Variants in CCDC15 observed in about 807,000 individuals in gnomAD.
The protein encoded by CCDC15 is coiled-coil domain-containing protein 15.
CCDC15 carries 105 observed loss-of-function variants against 114.5 expected under a neutral mutation model. The observed-to-expected ratio is 0.92, with a 90% CI of 0.78 to 1.08. The LOEUF (loss-of-function observed/expected upper bound fraction) is 1.08, where lower values mean the gene tolerates loss of function less well. Among genes scored for constraint, CCDC15 ranks in the 50% least tolerant of loss-of-function variants. The pLI is 0.00. For synonymous variants in CCDC15, 334 were observed against 377.8 expected, an observed-to-expected ratio of 0.88 and a Z score of 1.34; for missense variants, 1,105 against 1,093.6, an observed-to-expected ratio of 1.01 and a Z score of -0.15.
At position 124,975,198 on chromosome 11, in the gene CCDC15, C is replaced by T; in HGVS notation, c.619C>T (p.Leu207Phe). Residue 207 changes from leucine (L) to phenylalanine (F), a missense_variant, in exon 5 of 16, where the codon CTT (leucine) becomes TTT (phenylalanine). By Grantham distance (22) the Leu-to-Phe change is conservative. Coordinates refer to ENST00000344762, the MANE Select transcript of CCDC15 (RefSeq NM_025004.3). ...VFPDDGRKSF[L>F]TREEVLSRKP... ...TCCAGATGATGGAAGGAAAAGCTTT[C>T]TTACCAGAGAGGTAAATTAATTTCT... 5.7e-6 allele frequency: 9 copies of T among 1,571,544 alleles called. No homozygotes were observed. The highest frequency in any genetic ancestry group is 1.9e-5 in the Admixed American group (1 of 51,842).
intron 13 of CCDC15, among the ~76,000 whole-genome samples, chr11:125,021,226 G>T (rs1948658738): frequency 6.6e-6 from 1 of 151,842 alleles, no homozygotes; most frequent in African/African-American, 2.4e-5. Flanking sequence ...TTCAGGGAAA[G>T]TATTGTGTCA....
At chr11:124,967,633 C>T (rs12269748) in intron 4 of CCDC15, among the ~76,000 whole-genome samples, 30,838 of 152,032 alleles carry the variant, frequency 0.2, 3,688 homozygotes, top group African/African-American at 0.34. Flanking sequence ...CCTACTTCTG[C>T]CAACTAGTCA....
rs554595216 is a variant in CCDC15 at position 124,977,707 on chromosome 11, G to A, written c.753+107G>A. 9 of 1,113,540 alleles carry A rather than the reference G, an allele frequency of 8.1e-6. No individual in the cohort carries two copies. In the East Asian group the frequency reaches 1.6e-4, roughly 20 times the overall value. The allele number at this position is 1,113,540 out of a possible 1,614,324, so 69.0% of individuals were successfully genotyped here. A position where few individuals can be genotyped will look rare whatever the true frequency, so the allele number is the denominator to read the frequency against. On this transcript the variant is annotated intron_variant, in intron 6 of 15. Transcript: ENST00000344762. ...TAAGATATCCAGTATTTTTTTTAACGGACTTTATTGAGATATAATTCATAT... is the reference window on the plus strand; with the variant it reads ...TAAGATATCCAGTATTTTTTTTAACAGACTTTATTGAGATATAATTCATAT...
intron 3 of CCDC15, 98 bp from the exon 4 acceptor site, chr11:124,959,717 C>A: frequency 1.6e-6 from 1 of 615,970 alleles, no homozygotes; most frequent in South Asian, 3.2e-5. Flanking sequence ...CCCTGCCCCC[C>A]ACCCCAATTT....
intron 8 of CCDC15, among the ~76,000 whole-genome samples, chr11:124,988,777 T>C (rs1948219406): frequency 6.6e-6 from 1 of 152,222 alleles, no homozygotes; most frequent in Non-Finnish European, 1.5e-5. Flanking sequence ...GAAAACACTT[T>C]CTTTGCTCAT....
intron 4 of CCDC15, among the ~76,000 whole-genome samples, chr11:124,971,633 AT>A (rs35950740): frequency 6.6e-6 from 1 of 151,738 alleles, no homozygotes; most frequent in Non-Finnish European, 1.5e-5. Flanking sequence ...ATTGTCTGGG[AT>A]TTTTTTTCTC....
chr11:124,975,145 C>A lies in CCDC15; in HGVS notation c.566C>A (p.Thr189Asn). 6.3e-7 allele frequency: 1 copy of A among 1,598,644 alleles called. No homozygotes were observed. The highest frequency in any genetic ancestry group is 1.1e-5 in the South Asian group (1 of 88,690). The change falls in exon 5 of 16, where the codon ACC (threonine) becomes AAC (asparagine). Residue 189 changes from threonine (T) to asparagine (N), a missense_variant. Thr to Asn is a moderately conservative substitution (Grantham distance 65). Transcript: ENST00000344762. ...QARHRLASFK[T>N]VIKKKGSVFP... ...CGTCACCGGCTAGCATCCTTTAAAA[C>A]CGTGATTAAAAAAAAGGGATCAGTG...
intron 4 of CCDC15, among the ~76,000 whole-genome samples, chr11:124,967,595 G>T (rs1293561403): frequency 1.3e-5 from 2 of 152,230 alleles, no homozygotes; most frequent in East Asian, 3.8e-4. Context: ...TTAGCTCGGA[G>T]AAGTTTGTCA....
At chr11:124,996,333 C>T (rs1313149898) in intron 11 of CCDC15, among the ~76,000 whole-genome samples, 1 of 152,188 alleles carries the variant, frequency 6.6e-6, no homozygotes, top group Admixed American at 6.5e-5. Context: ...AAAGCTATCA[C>T]ACAATAACTG....
intron 13 of CCDC15, among the ~76,000 whole-genome samples, chr11:125,019,859 T>G (rs1948650786): frequency 6.6e-6 from 1 of 151,990 alleles, no homozygotes; most frequent in African/African-American, 2.4e-5. Context: ...TTTGATACAT[T>G]ATATTTGTAC....
chr11:124,978,630 GTC>G (rs1565362539), intron 6 of CCDC15, among the ~76,000 whole-genome samples: 1 of 152,070 alleles, frequency 6.6e-6, no homozygotes, highest in Non-Finnish European at 1.5e-5. Context: ...CTTTTGAAGT[GTC>G]TGTTAATATC....
intron 14 of CCDC15, 57 bp from the exon 15 acceptor site, chr11:125,038,864 T>C: frequency 6.5e-7 from 1 of 1,547,118 alleles, no homozygotes; most frequent in Non-Finnish European, 8.9e-7. Context: ...AAATCAGGAT[T>C]CATACTCACT....
intron 13 of CCDC15, among the ~76,000 whole-genome samples, chr11:125,030,339 T>C (rs1425632493): frequency 1.3e-5 from 2 of 152,194 alleles, no homozygotes; most frequent in African/African-American, 4.8e-5. Context: ...CACCATTCTA[T>C]CAATCCAGCT....
Position 125,035,828 on chromosome 11 carries a change from A to G in CCDC15, c.2412-2603A>G, listed in dbSNP as rs865905507. Among the ~76,000 whole-genome samples the G allele has an allele frequency of 4.6e-4, 70 of 152,324 alleles. No homozygotes were observed. In the Middle Eastern group the frequency reaches 0.017, roughly 37 times the overall value. ...AACTGATGACAACTTAACAGTGATT[A>G]CATAAACAAACTAACAAGTAAAGAG... On this transcript the variant is annotated intron_variant, in intron 13 of 15. Transcript: ENST00000344762.
chr11:124,995,406 A>G (rs1177710644), intron 11 of CCDC15, among the ~76,000 whole-genome samples: 1 of 152,210 alleles, frequency 6.6e-6, no homozygotes, highest in Non-Finnish European at 1.5e-5. Context: ...CCACTAGCCC[A>G]TAAGCTTCTT....
chr11:125,039,815 C>CCCT (rs35756259), intron 15 of CCDC15, among the ~76,000 whole-genome samples: 30,764 of 151,998 alleles, frequency 0.2, 3,680 homozygotes, highest in African/African-American at 0.33. Flanking sequence ...TGGCTCTGGG[C>CCCT]CCTACTCTAG....
In CCDC15 at chr11:124,987,939, C is replaced by T. The variant is rs200807898; in HGVS notation, c.1713C>T (p.Pro571=). 6.2e-7 allele frequency: 1 copy of T among 1,613,788 alleles called. No homozygotes were observed. The highest frequency in any genetic ancestry group is 8.5e-7 in the Non-Finnish European group (1 of 1,179,852). Residue 571 remains proline, a synonymous_variant, in exon 8 of 16, where the codon CCC becomes CCT. Transcript: ENST00000344762. Reference sequence around the variant, plus strand: ...TACCCAGAGACCAAGGTGTTCTTCCCAAAGACCAAAATATTCTACCCATAT... The same window carrying T: ...TACCCAGAGACCAAGGTGTTCTTCCTAAAGACCAAAATATTCTACCCATAT... ...DFLPRDQGVL[P]KDQNILPICQ... is the part of the protein sequence containing the mutation.
At chr11:125,017,058 G>T (rs998014775) in intron 13 of CCDC15, among the ~76,000 whole-genome samples, 1 of 152,078 alleles carries the variant, frequency 6.6e-6, no homozygotes, top group African/African-American at 2.4e-5. Context: ...TGCCTTCTTT[G>T]CATGGAAGTC....
chr11:125,025,119 T>C (rs61912673), intron 13 of CCDC15, among the ~76,000 whole-genome samples: 3 of 131,742 alleles, frequency 2.3e-5, no homozygotes, highest in Non-Finnish European at 4.7e-5. Flanking sequence ...TATATGTGAG[T>C]ATATATATGA....
Sources: gnomAD v4.1 joint callset for allele counts (sites outside exome capture counted in the v4.1 genomes callset) on GRCh38, gnomAD v4.1.1 for gene constraint, MANE v1.5 for transcripts, NCBI Gene and HGNC (gene_info 2026-07-23, HGNC 2026-07-21) for gene names.